Variants in SV2B observed in about 807,000 individuals in gnomAD.
The protein encoded by SV2B is synaptic vesicle glycoprotein 2B.
SV2B carries 41 observed loss-of-function variants against 73.9 expected under a neutral mutation model. That is an observed-to-expected ratio of 0.56 (90% CI 0.43 to 0.72). SV2B has a LOEUF of 0.72. Ranked by LOEUF, SV2B falls within the 30% of genes least tolerant of loss-of-function variation. The probability of loss-of-function intolerance (pLI) is 0.00; values close to 1 mark genes in which losing one functional copy is unlikely to be tolerated. For missense variants in SV2B, 764 were observed against 857.8 expected (o/e 0.89, Z 1.37); for synonymous variants, 314 against 314.2 (o/e 1.00, Z 0.01).
At chr15:91,114,693 T>C (rs866705352) in intron 1 of SV2B, among the ~76,000 whole-genome samples, 12 of 152,308 alleles carry the variant, frequency 7.9e-5, no homozygotes, top group Middle Eastern at 3.4e-3. Context: ...AATCACTGTT[T>C]CCAGCCTAGA....
intron 5 of SV2B, among the ~76,000 whole-genome samples, chr15:91,259,844 T>C (rs2047843209): frequency 1.3e-5 from 2 of 152,174 alleles, no homozygotes. Context: ...TACTCCAGAA[T>C]GTCGTAATCT....
intron 11 of SV2B, among the ~76,000 whole-genome samples, chr15:91,287,438 A>T (rs2048896976): frequency 6.6e-6 from 1 of 151,824 alleles, no homozygotes; most frequent in African/African-American, 2.4e-5. Flanking sequence ...TTTCCACCTC[A>T]TTGCCAGTCA....
chr15:91,123,978 A>G lies in SV2B; in HGVS notation c.-392+23615A>G, dbSNP rs1305537479. On this transcript the variant is annotated intron_variant, in intron 1 of 12. Transcript: ENST00000394232. The surrounding 1 kb of genome is among the most constrained non-coding windows in gnomAD (Gnocchi z 4.7). ...AGAGAGGTGCCTTGAAGAGGTACCT[A>G]GAGAAAATATTCAGCTTGCAAGCTG... Among the ~76,000 whole-genome samples, 1 of 152,186 alleles carries G rather than the reference A, an allele frequency of 6.6e-6. No individual in the cohort carries two copies. Among genetic ancestry groups the G allele is most frequent in the South Asian group, 2.1e-4 (1 of 4,824 alleles).
intron 1 of SV2B, among the ~76,000 whole-genome samples, chr15:91,216,241 G>T (rs1487536424): frequency 2.0e-5 from 3 of 152,108 alleles, no homozygotes; most frequent in Non-Finnish European, 4.4e-5. Context: ...ATCAAGCAGG[G>T]TATTTCAGGA....
Position 91,242,287 on chromosome 15 carries a change from A to G in SV2B, c.452-9532A>G, listed in dbSNP as rs2047050215. 6.6e-6 allele frequency among the ~76,000 whole-genome samples: 1 copy of G among 152,086 alleles called. No individual in the cohort carries two copies. The highest frequency in any genetic ancestry group is 1.5e-5 in the Non-Finnish European group (1 of 68,018). ...TGCTCAGTCCTTGAATCTCTTGTGT[A>G]TTGCCAGTCACTTCTTTGGGGATCG... On this transcript the variant is annotated intron_variant, in intron 2 of 12. Coordinates refer to ENST00000394232, the MANE Select transcript of SV2B (RefSeq NM_001323032.3). This position sits in a 1 kb window ranked among gnomAD's most constrained non-coding sequence, Gnocchi z 4.9.
intron 1 of SV2B, among the ~76,000 whole-genome samples, chr15:91,159,689 A>C (rs1165028120): frequency 6.6e-6 from 1 of 152,206 alleles, no homozygotes; most frequent in Non-Finnish European, 1.5e-5. Context: ...CAAAATTTTG[A>C]AGTTTCCAAC....
At chr15:91,263,233 CAG>C (rs2047979534) in intron 6 of SV2B, among the ~76,000 whole-genome samples, 2 of 148,922 alleles carry the variant, frequency 1.3e-5, no homozygotes, top group East Asian at 2.0e-4. Context: ...GACACACAGA[CAG>C]AGACAAACAG....
At chr15:91,182,249 C>G (rs1567321962) in intron 1 of SV2B, among the ~76,000 whole-genome samples, 1 of 152,184 alleles carries the variant, frequency 6.6e-6, no homozygotes, top group Non-Finnish European at 1.5e-5. Context: ...AGAAACCTCT[C>G]AAGGCTGGAC....
At chr15:91,207,544 C>T (rs2141410057) in intron 1 of SV2B, among the ~76,000 whole-genome samples, 1 of 152,218 alleles carries the variant, frequency 6.6e-6, no homozygotes, top group East Asian at 1.9e-4. Flanking sequence ...GCAATATCCA[C>T]CAAGTCTGTT....
At chr15:91,114,618 A>G (rs1045688708) in intron 1 of SV2B, among the ~76,000 whole-genome samples, 2 of 152,104 alleles carry the variant, frequency 1.3e-5, no homozygotes, top group Admixed American at 1.3e-4. Context: ...TCTTAATCCT[A>G]TGGAGGAAGA....
rs145705990 is a variant in SV2B at position 91,146,467 on chromosome 15, C to T, written c.-392+46104C>T. ...TTCTATATAAATTTAAAAAATTTTT[C>T]GAGTTTTGTGAAGAATGTCAACGGT... On this transcript the variant is annotated intron_variant, in intron 1 of 12. Coordinates refer to ENST00000394232, the MANE Select transcript of SV2B (RefSeq NM_001323032.3). Among the ~76,000 whole-genome samples the T allele has an allele frequency of 6.5e-3, 991 of 152,090 alleles. 10 individuals carry two copies. Among genetic ancestry groups the T allele is most frequent in the African/African-American group, 0.022 (926 of 41,466 alleles).
Position 91,281,811 on chromosome 15 carries a change from A to G in SV2B, c.1457A>G (p.Asp486Gly). 6.2e-7 allele frequency: 1 copy of G among 1,613,312 alleles called. No homozygotes were observed. Residue 486 changes from aspartate (D) to glycine (G), a missense_variant, in exon 10 of 13, where the codon GAT becomes GGT. Coordinates refer to ENST00000394232, the MANE Select transcript of SV2B (RefSeq NM_001323032.3). The surrounding 1 kb of genome is among the most constrained non-coding windows in gnomAD (Gnocchi z 4.7). ...ECYFEDVTST[D>G]TYFKNCTIES... is the part of the protein sequence containing the mutation. ...TATTTTGAAGACGTAACATCAACAG[A>G]TACCTACTTCAAAAATTGTACCATT...
At chr15:91,213,746 G>A (rs2045938777) in intron 1 of SV2B, among the ~76,000 whole-genome samples, 1 of 151,930 alleles carries the variant, frequency 6.6e-6, no homozygotes, top group Admixed American at 6.6e-5. Flanking sequence ...TATAAATATA[G>A]GGTTACTATA....
Position 91,226,445 on chromosome 15 carries a change from C to A in SV2B, c.182C>A (p.Ala61Asp). The A allele has an allele frequency of 6.2e-7, 1 of 1,614,174 alleles. No homozygotes were observed. Among genetic ancestry groups the A allele is most frequent in the Non-Finnish European group, 8.5e-7 (1 of 1,180,014 alleles). ...QGIPHPDDVKAKQAKMAPSRM... is the reference protein window; with the variant it reads ...QGIPHPDDVKDKQAKMAPSRM... ...ATCCCTCACCCAGATGATGTCAAGG[C>A]CAAGCAGGCCAAGATGGCGCCCTCC... Residue 61 changes from alanine to aspartate, a missense_variant, in exon 2 of 13, where the codon GCC (alanine) becomes GAC (aspartate). Coordinates refer to ENST00000394232, the MANE Select transcript of SV2B (RefSeq NM_001323032.3).
At chr15:91,166,460 C>G (rs952967717) in intron 1 of SV2B, among the ~76,000 whole-genome samples, 2 of 151,990 alleles carry the variant, frequency 1.3e-5, no homozygotes, top group African/African-American at 4.8e-5. Context: ...TTTCACTAAA[C>G]TTCTTGAATA....
In SV2B at chr15:91,210,043, G is replaced by C. The variant is rs529898849; in HGVS notation, c.-391-15830G>C. On this transcript the variant is annotated intron_variant, in intron 1 of 12. Coordinates refer to ENST00000394232, the MANE Select transcript of SV2B (RefSeq NM_001323032.3). ...TTATAGAGCAGGGATCTGTTGGAGT[G>C]GGGCTTGTGAGTGTCCAGGCAGGAG... Among the ~76,000 whole-genome samples the C allele has an allele frequency of 4.6e-5, 7 of 152,238 alleles. No homozygotes were observed. In the South Asian group the frequency reaches 1.5e-3, roughly 32 times the overall value.
At chr15:91,172,692 C>T (rs956751783) in intron 1 of SV2B, among the ~76,000 whole-genome samples, 4 of 152,150 alleles carry the variant, frequency 2.6e-5, no homozygotes, top group African/African-American at 7.2e-5. Flanking sequence ...CTTTAGGTTC[C>T]CAGCTCTTGT....
In SV2B at chr15:91,258,651, C is replaced by A; in HGVS notation, c.918+97C>A. On this transcript the variant is annotated intron_variant, in intron 5 of 12. Coordinates refer to ENST00000394232, the MANE Select transcript of SV2B (RefSeq NM_001323032.3). The surrounding 1 kb of genome is among the most constrained non-coding windows in gnomAD (Gnocchi z 4.7). ...TCAGCTCCTAGTCCCACATCCTCTG[C>A]TGCTTATGTGTTGCAAACTCTCCCC... 1 of 1,554,440 alleles carries A rather than the reference C, an allele frequency of 6.4e-7. No homozygotes were observed.
Position 91,232,199 on chromosome 15 carries a change from T to C in SV2B, c.451+5485T>C, listed in dbSNP as rs1224411077. Among the ~76,000 whole-genome samples the C allele has an allele frequency of 2.0e-5, 3 of 152,198 alleles. No individual in the cohort carries two copies. The highest frequency in any genetic ancestry group is 1.3e-4 in the Admixed American group (2 of 15,272). ...AATATGTCCTCAGTGACCAAGTATT[T>C]ACCTACTTACTCATGATGGTGAAAT... On this transcript the variant is annotated intron_variant, in intron 2 of 12. Coordinates refer to ENST00000394232, the MANE Select transcript of SV2B (RefSeq NM_001323032.3). The surrounding 1 kb of genome is among the most constrained non-coding windows in gnomAD (Gnocchi z 4.7).
Sources: allele counts gnomAD v4.1 joint callset (sites outside exome capture counted in the v4.1 genomes callset), GRCh38; gene constraint gnomAD v4.1.1; non-coding constraint Gnocchi (gnomAD v3.1); transcripts MANE v1.5; gene names NCBI Gene and HGNC (gene_info 2026-07-23, HGNC 2026-07-21).